DCDC2C: variants seen among roughly 807,000 people sequenced by gnomAD.
DCDC2C encodes the protein doublecortin domain-containing protein 2C.
DCDC2C carries 44 observed loss-of-function variants against 45.0 expected under a neutral mutation model. The ratio of observed to expected loss-of-function variants is 0.98; its 90% CI spans 0.77 to 1.26. The LOEUF (loss-of-function observed/expected upper bound fraction) is 1.26. Among genes scored for constraint, DCDC2C ranks in the 50% most tolerant of loss-of-function variants. The pLI, the probability that DCDC2C is intolerant of heterozygous loss-of-function variation, is 0.00. For synonymous variants in DCDC2C, 187 were observed against 178.8 expected (o/e 1.05, Z -0.37); for missense variants, 447 against 468.9 (o/e 0.95, Z 0.43).
rs1277860672 is a variant in DCDC2C, at chr2:3,703,794, G to C, written c.43G>C (p.Ala15Pro). The change falls in exon 1 of 11, where the codon GCC becomes CCC. Residue 15 changes from alanine (A) to proline (P), a missense_variant. Physicochemically the swap from Ala to Pro is conservative, Grantham distance 27. Coordinates refer to ENST00000399143, the MANE Select transcript of DCDC2C (RefSeq NM_001287444.2). The surrounding 1 kb of genome is among the most constrained non-coding windows in gnomAD (Gnocchi z 4.4). ...GPSAPVDTTP[A>P]KTIVVYRNGD... Reference sequence around the variant, plus strand: ...CTCCGCGCCGGTGGACACCACGCCCGCCAAGACCATCGTGGTGTACCGCAA... The same window carrying C: ...CTCCGCGCCGGTGGACACCACGCCCCCCAAGACCATCGTGGTGTACCGCAA... 1.2e-5 allele frequency: 15 copies of C among 1,243,876 alleles called. No homozygotes were observed. Among genetic ancestry groups the C allele is most frequent in the African/African-American group, 6.2e-5 (4 of 64,386 alleles). The allele number at this position is 1,243,876 out of a possible 1,614,324, so 77.1% of individuals were successfully genotyped here. A position where few individuals can be genotyped will look rare whatever the true frequency, so the allele number is the denominator to read the frequency against.
At position 3,753,016 on chromosome 2, in the gene DCDC2C, T is replaced by C. The variant is rs1256261779; in HGVS notation, c.683+116T>C. On this transcript the variant is annotated intron_variant, in intron 5 of 10. Transcript: ENST00000399143. ...TTGGTTATTTTTCAGTAGTGAAATG[T>C]AATATTCTTATTTAATGTATGATAC... 4.3e-6 allele frequency: 5 copies of C among 1,162,372 alleles called. No individual in the cohort carries two copies. In the East Asian group the frequency reaches 1.3e-4, roughly 31 times the overall value. 72.0% of individuals were successfully genotyped at this position (1,162,372 alleles called of 1,614,324 possible).
At chr2:3,777,474 G>A (rs923518300) in intron 8 of DCDC2C, among the ~76,000 whole-genome samples, 1 of 152,090 alleles carries the variant, frequency 6.6e-6, no homozygotes, top group Non-Finnish European at 1.5e-5. Flanking sequence ...TATACTTGCT[G>A]AATAAATGAA....
chr2:3,798,844 G>A (rs1256747320), intron 10 of DCDC2C, among the ~76,000 whole-genome samples: 1 of 152,098 alleles, frequency 6.6e-6, no homozygotes, highest in African/African-American at 2.4e-5. Flanking sequence ...TGACAATTAT[G>A]TGTCTTGGAG....
chr2:3,735,118 T>C (rs1397563871), intron 3 of DCDC2C, among the ~76,000 whole-genome samples: 1 of 152,184 alleles, frequency 6.6e-6, no homozygotes, highest in Non-Finnish European at 1.5e-5. Flanking sequence ...ATAGCCCAGA[T>C]ACCAGACACA....
chr2:3,746,265 C>T (rs1022810756), intron 4 of DCDC2C, among the ~76,000 whole-genome samples: 1 of 152,186 alleles, frequency 6.6e-6, no homozygotes, highest in African/African-American at 2.4e-5. Flanking sequence ...GAGATGCGTG[C>T]TGTAAGAACT....
At chr2:3,736,305 T>C (rs1043442742) in intron 3 of DCDC2C, among the ~76,000 whole-genome samples, 9 of 152,012 alleles carry the variant, frequency 5.9e-5, no homozygotes, top group African/African-American at 1.2e-4. Context: ...CAGAAATGTT[T>C]TGAGGTTGAG....
chr2:3,767,509 CCTT>C (rs1670045300), intron 6 of DCDC2C, among the ~76,000 whole-genome samples: 1 of 152,230 alleles, frequency 6.6e-6, no homozygotes, highest in African/African-American at 2.4e-5. Context: ...AGTGAACTAA[CCTT>C]CTCTGCCTGC....
chr2:3,821,211 G>A (rs1671680967), intron 10 of DCDC2C, among the ~76,000 whole-genome samples: 1 of 152,174 alleles, frequency 6.6e-6, no homozygotes, highest in Admixed American at 6.5e-5. Flanking sequence ...ACAAGGTAAT[G>A]TCATCAGTTA....
At chr2:3,723,748 G>T (rs888683485) in intron 2 of DCDC2C, among the ~76,000 whole-genome samples, 9 of 152,162 alleles carry the variant, frequency 5.9e-5, no homozygotes, top group Non-Finnish European at 5.9e-5. Context: ...CTTTGAAGTG[G>T]AGCTGACGGA....
At chr2:3,766,140 G>A (rs1461263446) in intron 6 of DCDC2C, among the ~76,000 whole-genome samples, 1 of 152,016 alleles carries the variant, frequency 6.6e-6, no homozygotes, top group South Asian at 2.1e-4. Flanking sequence ...GGGTGGTGGG[G>A]GCTGGGTCAC....
intron 1 of DCDC2C, among the ~76,000 whole-genome samples, chr2:3,705,523 G>C (rs1366433435): frequency 6.6e-6 from 1 of 152,102 alleles, no homozygotes; most frequent in Admixed American, 6.5e-5. Context: ...AGTCCCTTTC[G>C]ATACATATAT....
chr2:3,736,029 C>T (rs1669013462), intron 3 of DCDC2C, among the ~76,000 whole-genome samples: 1 of 152,142 alleles, frequency 6.6e-6, no homozygotes, highest in African/African-American at 2.4e-5. Flanking sequence ...CCAAATACAT[C>T]TAATATCCAT....
chr2:3,805,039 A>G (rs940854120), intron 10 of DCDC2C, among the ~76,000 whole-genome samples: 1 of 152,230 alleles, frequency 6.6e-6, no homozygotes, highest in Non-Finnish European at 1.5e-5. Context: ...CTGAAAATCA[A>G]GAAAATTGCC....
At chr2:3,715,581 TCCA>T (rs1353053067) in intron 2 of DCDC2C, among the ~76,000 whole-genome samples, 3 of 149,696 alleles carry the variant, frequency 2.0e-5, no homozygotes, top group African/African-American at 7.7e-5. Flanking sequence ...AAACTTTCCA[TCCA>T]TCCATCCATC....
chr2:3,791,028 T>C (rs771813629), intron 10 of DCDC2C, among the ~76,000 whole-genome samples: 3 of 152,066 alleles, frequency 2.0e-5, no homozygotes. Context: ...GAGAATGGCG[T>C]GAACCCGCGA....
At chr2:3,805,556 A>G (rs770176552) in intron 10 of DCDC2C, among the ~76,000 whole-genome samples, 54 of 152,290 alleles carry the variant, frequency 3.5e-4, no homozygotes, top group Non-Finnish European at 7.1e-4. Flanking sequence ...GCAACAAATA[A>G]TGTGTCACCT....
rs147904033 is a variant in DCDC2C, at chr2:3,767,987, G to A, written c.853+107G>A. ...ATCTTATACTCCAGAAATATTGTTT[G>A]ACTTGTAACTATCTGCTTTATTAAT... is the stretch of plus-strand genomic sequence containing the variant. On this transcript the variant is annotated intron_variant, in intron 7 of 10. Coordinates refer to ENST00000399143, the MANE Select transcript of DCDC2C (RefSeq NM_001287444.2). The A allele has an allele frequency of 2.4e-3, 2,770 of 1,178,464 alleles. 54 individuals carry two copies. The African/African-American group carries it at 0.041, about 17-fold the overall frequency. 73.0% of individuals were successfully genotyped at this position (1,178,464 alleles called of 1,614,324 possible). A position where few individuals can be genotyped will look rare whatever the true frequency, so the allele number is the denominator to read the frequency against.
At chr2:3,782,720 C>T (rs187074453) in intron 9 of DCDC2C, among the ~76,000 whole-genome samples, 7 of 152,258 alleles carry the variant, frequency 4.6e-5, no homozygotes, top group African/African-American at 1.7e-4. Context: ...ACCTCATGAT[C>T]CACCCACGTT....
intron 8 of DCDC2C, among the ~76,000 whole-genome samples, chr2:3,775,169 G>A (rs1250949068): frequency 4.1e-5 from 5 of 123,182 alleles, no homozygotes; most frequent in Non-Finnish European, 8.5e-5. Context: ...AGGCAGCTGT[G>A]GCTGTGGGCT....
Sources: gnomAD v4.1 joint callset for allele counts (sites outside exome capture counted in the v4.1 genomes callset) on GRCh38, gnomAD v4.1.1 for gene constraint, Gnocchi (gnomAD v3.1) non-coding constraint, MANE v1.5 for transcripts, NCBI Gene and HGNC (gene_info 2026-07-23, HGNC 2026-07-21) for gene names.